Variants in DYNLT5 observed in about 807,000 individuals in gnomAD.
DYNLT5 encodes the protein dynein light chain Tctex-type 5.
Under a neutral mutation model 19.3 loss-of-function variants are expected in DYNLT5, and 25 were observed. The ratio of observed to expected loss-of-function variants is 1.30; its 90% CI spans 0.95 to 1.81. The LOEUF (loss-of-function observed/expected upper bound fraction) is 1.81, where lower values mean the gene tolerates loss of function less well. Ranked by LOEUF, DYNLT5 falls within the 40% of genes most tolerant of loss-of-function variation. The pLI, the probability that DYNLT5 is intolerant of heterozygous loss-of-function variation, is 0.00. For synonymous variants in DYNLT5, 82 were observed against 68.9 expected (o/e 1.19, Z -0.94); for missense variants, 232 against 217.9 (o/e 1.06, Z -0.41).
chr1:66,771,464 T>A (rs1381109299), intron 3 of DYNLT5, among the ~76,000 whole-genome samples: 2 of 152,360 alleles, frequency 1.3e-5, no homozygotes, highest in South Asian at 2.1e-4. Flanking sequence ...GGATGGCATA[T>A]AACCATGGTG....
rs766355827 is a variant in DYNLT5 at position 66,777,201 on chromosome 1, T to C, written c.337-50T>C. On this transcript the variant is annotated intron_variant, in intron 4 of 4. Coordinates refer to ENST00000282670, the MANE Select transcript of DYNLT5 (RefSeq NM_152665.3). ...TATTTATAACAAAGGTTAATGCTTT[T>C]GAGTTTCAATGTAGCTGAATGAAGA... The C allele has an allele frequency of 4.1e-6, 6 of 1,477,912 alleles. No homozygotes were observed. In the African/African-American group the frequency reaches 8.4e-5, roughly 21 times the overall value. 91.5% of individuals were successfully genotyped at this position (1,477,912 alleles called of 1,614,324 possible).
At chr1:66,760,053 C>T (rs1404855133) in intron 2 of DYNLT5, among the ~76,000 whole-genome samples, 1 of 152,126 alleles carries the variant, frequency 6.6e-6, no homozygotes, top group African/African-American at 2.4e-5. Flanking sequence ...CATTTCCTCA[C>T]CTCCTTTCTT....
intron 2 of DYNLT5, among the ~76,000 whole-genome samples, chr1:66,763,994 G>T (rs963185024): frequency 5.9e-5 from 9 of 152,078 alleles, no homozygotes; most frequent in African/African-American, 1.9e-4. Context: ...AGACCAGCCT[G>T]GGCAACATGG....
At chr1:66,762,294 C>T (rs767347751) in intron 2 of DYNLT5, among the ~76,000 whole-genome samples, 13 of 152,152 alleles carry the variant, frequency 8.5e-5, no homozygotes, top group Non-Finnish European at 1.8e-4. Flanking sequence ...TTTAGTATTT[C>T]TTCCTGTTGG....
intron 1 of DYNLT5, among the ~76,000 whole-genome samples, chr1:66,754,301 T>TG (rs2150857298): frequency 6.6e-6 from 1 of 152,316 alleles, no homozygotes; most frequent in East Asian, 1.9e-4. Flanking sequence ...TGGTTACATT[T>TG]GGGGGGCAAT....
chr1:66,766,031 ATTAG>A (rs557243264), intron 2 of DYNLT5, among the ~76,000 whole-genome samples: 23 of 152,264 alleles, frequency 1.5e-4, no homozygotes, highest in Middle Eastern at 3.4e-3. Context: ...CTGCAATAAT[ATTAG>A]TTAGTTTGTT....
chr1:66,777,478 T>C lies in DYNLT5; in HGVS notation c.*24T>C, dbSNP rs1339588149. ...GATTGAAAATAAGAAATCTAGCTCT[T>C]ACTTTTGAAAATTCTGAGGCAGGCT... On this transcript the variant is annotated 3_prime_UTR_variant, in exon 5 of 5. Coordinates refer to ENST00000282670, the MANE Select transcript of DYNLT5 (RefSeq NM_152665.3). The C allele has an allele frequency of 1.9e-6, 3 of 1,602,724 alleles. No homozygotes were observed. The highest frequency in any genetic ancestry group is 1.1e-5 in the South Asian group (1 of 90,096).
intron 2 of DYNLT5, among the ~76,000 whole-genome samples, chr1:66,757,785 A>G (rs903693060): frequency 1.3e-5 from 2 of 152,226 alleles, no homozygotes; most frequent in African/African-American, 4.8e-5. Context: ...CATAGGTGAA[A>G]AAAATCAAAA....
rs769437131 is a variant in DYNLT5 at position 66,776,377 on chromosome 1, A to G, written c.310A>G (p.Arg104Gly). 1 of 1,606,104 alleles carries G rather than the reference A, an allele frequency of 6.2e-7. No homozygotes were observed. The highest frequency in any genetic ancestry group is 1.1e-5 in the South Asian group (1 of 89,082). ...QVEEYEPELCRQMTKTISEVI... is the reference protein window; with the variant it reads ...QVEEYEPELCGQMTKTISEVI... ...AGAAGAATATGAACCAGAGCTCTGT[A>G]GACAGATGACTAAAACCATTTCTGA... Residue 104 changes from arginine to glycine, a missense_variant, in exon 4 of 5, where the codon AGA (arginine) becomes GGA (glycine). By Grantham distance (125) the Arg-to-Gly change is moderately radical. Coordinates refer to ENST00000282670, the MANE Select transcript of DYNLT5 (RefSeq NM_152665.3).
In DYNLT5 at chr1:66,754,739, T is replaced by C. The variant is rs111770621; in HGVS notation, c.81T>C (p.His27=). The C allele has an allele frequency of 3.8e-5, 62 of 1,613,084 alleles. 1 individual carries two copies. The African/African-American group carries it at 5.3e-4, about 14-fold the overall frequency. Reference sequence around the variant, plus strand: ...GGAGTATTTCTTCTCTAAGTAATCATGAATTTTGGCGAAAGGAAATTCATG... The same window carrying C: ...GGAGTATTTCTTCTCTAAGTAATCACGAATTTTGGCGAAAGGAAATTCATG... The part of the protein sequence containing the change: ...KRGSISSLSN[H]EFWRKEIHGR... The change falls in exon 2 of 5, where the codon CAT becomes CAC. Residue 27 remains histidine (H), a synonymous_variant. Transcript: ENST00000282670.
chr1:66,765,501 C>T (rs183719873), intron 2 of DYNLT5, among the ~76,000 whole-genome samples: 1 of 152,124 alleles, frequency 6.6e-6, no homozygotes, highest in African/African-American at 2.4e-5. Flanking sequence ...CCATCTCTAA[C>T]TGTCATAATA....
intron 3 of DYNLT5, chr1:66,770,792 G>A (rs1284069534): frequency 2.6e-6 from 1 of 383,254 alleles, no homozygotes; most frequent in African/African-American, 2.1e-5. Context: ...TTAAATGAAA[G>A]AGATAAGTAT....
intron 2 of DYNLT5, among the ~76,000 whole-genome samples, chr1:66,763,526 C>A (rs1029932411): frequency 6.6e-6 from 1 of 152,194 alleles, no homozygotes; most frequent in Non-Finnish European, 1.5e-5. Flanking sequence ...CTTATTGTAG[C>A]CCCTTCATCA....
chr1:66,777,086 G>A (rs565411040), intron 4 of DYNLT5, among the ~76,000 whole-genome samples, 165 bp from the exon 5 acceptor site: 1 of 152,136 alleles, frequency 6.6e-6, no homozygotes, highest in South Asian at 2.1e-4. Flanking sequence ...TATCTCAAGG[G>A]GACCATGCTT....
chr1:66,771,896 G>C (rs929701018), intron 3 of DYNLT5, among the ~76,000 whole-genome samples: 1 of 152,156 alleles, frequency 6.6e-6, no homozygotes, highest in African/African-American at 2.4e-5. Context: ...TAGAAGTACT[G>C]AGTATGAACC....
intron 2 of DYNLT5, among the ~76,000 whole-genome samples, chr1:66,767,971 C>T (rs1014998392): frequency 6.6e-6 from 1 of 152,142 alleles, no homozygotes; most frequent in Admixed American, 6.5e-5. Context: ...CTTTAGTCTG[C>T]ACAGGAATAT....
intron 2 of DYNLT5, among the ~76,000 whole-genome samples, chr1:66,766,423 T>C (rs200302956): frequency 1.3e-5 from 2 of 152,194 alleles, no homozygotes; most frequent in East Asian, 1.9e-4. Context: ...ATCTCACATA[T>C]TTATCTTTAA....
rs1475375712 is a variant in DYNLT5, at chr1:66,770,409, A to G, written c.142A>G (p.Met48Val). ...TAGTTCTATGAGTACTGTGTCTTATATGGAAGAACCCAGTCAGCGTGATGA... is the reference window on the plus strand; with the variant it reads ...TAGTTCTATGAGTACTGTGTCTTATGTGGAAGAACCCAGTCAGCGTGATGA... ...IKDSMSTVSY[M>V]EEPSQRDDIS... The change falls in exon 3 of 5, where the codon ATG (methionine) becomes GTG (valine). Residue 48 changes from methionine (M) to valine (V), a missense_variant. By Grantham distance (21) the Met-to-Val change is conservative. Transcript: ENST00000282670. The G allele has an allele frequency of 1.9e-6, 3 of 1,612,934 alleles. No homozygotes were observed. The highest frequency in any genetic ancestry group is 1.7e-5 in the Admixed American group (1 of 59,964).
intron 1 of DYNLT5, among the ~76,000 whole-genome samples, chr1:66,753,883 G>C (rs1158825768): frequency 1.3e-5 from 2 of 152,064 alleles, no homozygotes; most frequent in African/African-American, 4.8e-5. Context: ...CCAGGAGTTT[G>C]AAGTTACGGT....
Sources: allele counts gnomAD v4.1 joint callset (sites outside exome capture counted in the v4.1 genomes callset), GRCh38; gene constraint gnomAD v4.1.1; transcripts MANE v1.5; gene names NCBI Gene and HGNC (gene_info 2026-07-23, HGNC 2026-07-21).